The following RABGAP1 variants were observed in gnomAD, a reference collection of about 807,000 sequenced individuals.
RABGAP1 encodes rab GTPase-activating protein 1.
In RABGAP1, 23 loss-of-function variants were observed where a neutral mutation model predicts 137.6. The ratio of observed to expected loss-of-function variants is 0.17; its 90% CI spans 0.12 to 0.24. The LOEUF (loss-of-function observed/expected upper bound fraction) is 0.24, where lower values mean the gene tolerates loss of function less well. RABGAP1 is among the 10% of genes least tolerant of loss of function. RABGAP1 has a pLI of 1.00. For synonymous variants in RABGAP1, 451 were observed against 450.7 expected (o/e 1.00, Z -0.01); for missense variants, 906 against 1,275.8 (o/e 0.71, Z 4.42).
At chr9:123,065,622 T>G in intron 14 of RABGAP1, 161 bp downstream of exon 14, 1 of 625,166 alleles carries the variant, frequency 1.6e-6, no homozygotes, top group Non-Finnish European at 2.9e-6. Context: ...AATTTTAGAT[T>G]CATTAAAGAG....
chr9:123,051,024 G>C, intron 13 of RABGAP1, among the ~76,000 whole-genome samples: 1 of 151,522 alleles, frequency 6.6e-6, no homozygotes, highest in East Asian at 1.9e-4. Context: ...TTATGTGAAA[G>C]GCCAGGATAT....
chr9:122,972,497 C>G (rs1349600599), intron 2 of RABGAP1, among the ~76,000 whole-genome samples: 1 of 152,032 alleles, frequency 6.6e-6, no homozygotes, highest in Admixed American at 6.6e-5. Flanking sequence ...AGTCTTAGGA[C>G]AGGAGTAGCA....
intron 1 of RABGAP1, among the ~76,000 whole-genome samples, chr9:122,950,515 A>G (rs1412601383): frequency 2.6e-5 from 4 of 151,524 alleles, no homozygotes; most frequent in South Asian, 2.1e-4. Flanking sequence ...TGAGATGACC[A>G]TAGGACGCAT....
At chr9:123,097,626 T>A (rs565759791) in intron 21 of RABGAP1, 115 bp from the exon 22 acceptor site, 3 of 829,790 alleles carry the variant, frequency 3.6e-6, no homozygotes, top group Non-Finnish European at 5.7e-6. Flanking sequence ...GGATATAATT[T>A]CCCCTCTCTG....
rs190141659 is a variant in RABGAP1, at chr9:123,049,095, T to G, written c.1795-16253T>G. ...TTTCATTAAATAAAGAGCCATCTTT[T>G]CTGAGGAAGTCATCTGCTTTTCTAT... On this transcript the variant is annotated intron_variant, in intron 13 of 25. Coordinates refer to ENST00000373647, the MANE Select transcript of RABGAP1 (RefSeq NM_012197.4). 2.6e-5 allele frequency among the ~76,000 whole-genome samples: 4 copies of G among 152,360 alleles called. No individual in the cohort carries two copies. In the East Asian group the frequency reaches 7.7e-4, roughly 29 times the overall value.
chr9:122,953,947 G>T (rs1834383899), intron 1 of RABGAP1, among the ~76,000 whole-genome samples: 1 of 152,170 alleles, frequency 6.6e-6, no homozygotes. Flanking sequence ...AAAAAAGCCT[G>T]CCCTCATGAA....
At chr9:122,949,481 T>C (rs1425548451) in intron 1 of RABGAP1, among the ~76,000 whole-genome samples, 1 of 151,542 alleles carries the variant, frequency 6.6e-6, no homozygotes, top group Non-Finnish European at 1.5e-5. Flanking sequence ...GCCATTGCAC[T>C]CCAACCTGGG....
intron 10 of RABGAP1, among the ~76,000 whole-genome samples, chr9:123,007,259 C>T (rs967320443): frequency 1.3e-5 from 2 of 151,336 alleles, no homozygotes; most frequent in African/African-American, 2.4e-5. Flanking sequence ...ATTTTTAGTA[C>T]AGATGGGCTT....
Position 123,073,702 on chromosome 9 carries a change from T to C in RABGAP1, c.2109+25T>C, listed in dbSNP as rs745541737. ...GGTAAAAAGAGAAACCAGCTTGTGTTTGACAAAAAGAGTACAGGACTAAGG... is the reference window on the plus strand; with the variant it reads ...GGTAAAAAGAGAAACCAGCTTGTGTCTGACAAAAAGAGTACAGGACTAAGG... On this transcript the variant is annotated intron_variant, in intron 16 of 25. Coordinates refer to ENST00000373647, the MANE Select transcript of RABGAP1 (RefSeq NM_012197.4). 2.5e-6 allele frequency: 4 copies of C among 1,613,194 alleles called. No individual in the cohort carries two copies. In the South Asian group the frequency reaches 3.3e-5, roughly 13 times the overall value.
chr9:123,006,291 C>G (rs1419034277), intron 10 of RABGAP1, among the ~76,000 whole-genome samples: 1 of 152,156 alleles, frequency 6.6e-6, no homozygotes, highest in Non-Finnish European at 1.5e-5. Context: ...AAAGAATACA[C>G]TCTTCTGTTA....
intron 6 of RABGAP1, among the ~76,000 whole-genome samples, chr9:122,995,671 C>T (rs889830638): frequency 6.1e-5 from 9 of 146,664 alleles, no homozygotes; most frequent in Non-Finnish European, 1.0e-4. Context: ...CTGGTTCAAG[C>T]GATTCTCCTG....
At chr9:123,035,501 A>G (rs2032586548) in intron 13 of RABGAP1, 1 of 1,613,898 alleles carries the variant, frequency 6.2e-7, no homozygotes, top group Non-Finnish European at 8.5e-7. Flanking sequence ...AGTGTATTCC[A>G]AAGAGGACTA....
intron 23 of RABGAP1, 89 bp from the exon 24 acceptor site, chr9:123,099,389 C>G: frequency 1.6e-6 from 2 of 1,246,606 alleles, no homozygotes; most frequent in Non-Finnish European, 1.2e-6. Flanking sequence ...TATGTTAATT[C>G]CAATTTACAT....
Position 123,014,573 on chromosome 9 carries a change from G to A in RABGAP1, c.1550-970G>A, listed in dbSNP as rs182835982. On this transcript the variant is annotated intron_variant, in intron 11 of 25. Transcript: ENST00000373647. ...TTTTCATTTTATACCGTATTTTGCC[G>A]TATCATTTGTATTAGTCTGTTCTCA... Among the ~76,000 whole-genome samples the A allele has an allele frequency of 2.7e-3, 405 of 151,154 alleles. 1 individual carries two copies. Among genetic ancestry groups the A allele is most frequent in the Middle Eastern group, 0.021 (6 of 286 alleles).
In RABGAP1 at chr9:123,001,859, A is replaced by G. The variant is rs200349729; in HGVS notation, c.1374+3093A>G. 9.8e-5 allele frequency among the ~76,000 whole-genome samples: 15 copies of G among 152,370 alleles called. No individual in the cohort carries two copies. In the East Asian group the frequency reaches 2.9e-3, roughly 29 times the overall value. On this transcript the variant is annotated intron_variant, in intron 10 of 25. Transcript: ENST00000373647. ...TGCTGTTATTATTGAGAAGGATTAT[A>G]CAACCTCTCTGGGACACCAAATTAA... is the stretch of plus-strand genomic sequence containing the variant.
chr9:122,950,911 G>A (rs1419789720), intron 1 of RABGAP1, among the ~76,000 whole-genome samples: 3 of 152,140 alleles, frequency 2.0e-5, no homozygotes, highest in African/African-American at 7.2e-5. Context: ...AAAAGATAGT[G>A]GTAGGAAATG....
chr9:123,018,235 A>G (rs777017853), intron 12 of RABGAP1, among the ~76,000 whole-genome samples: 1 of 152,174 alleles, frequency 6.6e-6, no homozygotes, highest in Non-Finnish European at 1.5e-5. Context: ...ACCTCGTGAC[A>G]AGTTCATTTT....
intron 24 of RABGAP1, 38 bp downstream of exon 24, chr9:123,099,587 T>A (rs1373123506): frequency 2.0e-6 from 3 of 1,528,880 alleles, no homozygotes; most frequent in Non-Finnish European, 2.7e-6. Context: ...TTATACCACC[T>A]ACTTCATTTT....
intron 1 of RABGAP1, among the ~76,000 whole-genome samples, chr9:122,945,147 C>CTTTTTGTTTTTTTTTTTTTTTTTTTTT (rs1833873609): frequency 2.6e-5 from 2 of 75,772 alleles, no homozygotes; most frequent in African/African-American, 4.0e-5. Context: ...ATAGCTGTTG[C>CTTTTTGTTTTTTTTTTTTTTTTTTTTT]TTTTTTTTTT....
Sources: gnomAD v4.1 joint callset for allele counts (sites outside exome capture counted in the v4.1 genomes callset) on GRCh38, gnomAD v4.1.1 for gene constraint, MANE v1.5 for transcripts, NCBI Gene and HGNC (gene_info 2026-07-23, HGNC 2026-07-21) for gene names.